IGF1R: variants seen among roughly 807,000 people sequenced by gnomAD.
IGF1R encodes insulin-like growth factor 1 receptor.
Under a neutral mutation model 144.6 loss-of-function variants are expected in IGF1R, and 44 were observed. That is an observed-to-expected ratio of 0.30 (90% CI 0.24 to 0.39). The LOEUF (loss-of-function observed/expected upper bound fraction) is 0.39. IGF1R is among the 10% of genes least tolerant of loss of function. The pLI, the probability that IGF1R is intolerant of heterozygous loss-of-function variation, is 1.00. For missense variants in IGF1R, 1,355 were observed against 1,833.7 expected (o/e 0.74, Z 4.77); for synonymous variants, 795 against 722.8 (o/e 1.10, Z -1.60).
chr15:98,885,597 G>C (rs2013600631), intron 2 of IGF1R, among the ~76,000 whole-genome samples: 1 of 152,104 alleles, frequency 6.6e-6, no homozygotes, highest in Admixed American at 6.5e-5. Flanking sequence ...GCGTTTATAT[G>C]GAACAGTGGT....
chr15:98,841,321 T>G (rs902550613), intron 2 of IGF1R, among the ~76,000 whole-genome samples: 1 of 152,246 alleles, frequency 6.6e-6, no homozygotes, highest in Non-Finnish European at 1.5e-5. Flanking sequence ...CTGTGCTTCC[T>G]TGGTCAAATT....
intron 18 of IGF1R, among the ~76,000 whole-genome samples, chr15:98,941,568 C>G (rs1269363288): frequency 6.6e-6 from 1 of 152,116 alleles, no homozygotes; most frequent in Non-Finnish European, 1.5e-5. Context: ...AGGCAAATCC[C>G]CTATTTGCAT....
chr15:98,659,816 A>G (rs2052561918), intron 1 of IGF1R, among the ~76,000 whole-genome samples: 1 of 152,162 alleles, frequency 6.6e-6, no homozygotes. Context: ...TTTACCTTCC[A>G]TTGCTCTATT....
At chr15:98,828,382 T>A (rs2056936305) in intron 2 of IGF1R, among the ~76,000 whole-genome samples, 1 of 152,092 alleles carries the variant, frequency 6.6e-6, no homozygotes, top group South Asian at 2.1e-4. Context: ...GTTGGGCCCC[T>A]GTGACTGTCC....
At chr15:98,939,660 T>A (rs988810070) in intron 18 of IGF1R, among the ~76,000 whole-genome samples, 1 of 152,244 alleles carries the variant, frequency 6.6e-6, no homozygotes, top group Non-Finnish European at 1.5e-5. Context: ...CAGAAATAAT[T>A]AAGACAATGT....
intron 19 of IGF1R, among the ~76,000 whole-genome samples, chr15:98,946,181 A>G (rs1395000663): frequency 7.6e-6 from 1 of 131,578 alleles, no homozygotes; most frequent in Non-Finnish European, 1.6e-5. Context: ...TCACAAAAAG[A>G]GCACTAGGAA....
At chr15:98,780,057 A>G (rs1186181140) in intron 2 of IGF1R, among the ~76,000 whole-genome samples, 2 of 151,776 alleles carry the variant, frequency 1.3e-5, no homozygotes, top group Admixed American at 6.6e-5. Flanking sequence ...CCACCTCTTC[A>G]GAGTTTGTGG....
chr15:98,671,157 C>T (rs1207948354), intron 1 of IGF1R, among the ~76,000 whole-genome samples: 2 of 152,204 alleles, frequency 1.3e-5, no homozygotes, highest in African/African-American at 4.8e-5. Flanking sequence ...CAGTGTCCCC[C>T]TCCAAATCTG....
Position 98,852,905 on chromosome 15 carries a change from A to G in IGF1R, c.641-38420A>G, listed in dbSNP as rs2011600837. ...TCTTCCATCTCCTGGTGAGCACAGC[A>G]TACTGTTCTCAGGCTTGTTTTCCTT... On this transcript the variant is annotated intron_variant, in intron 2 of 20. Coordinates refer to ENST00000650285, the MANE Select transcript of IGF1R (RefSeq NM_000875.5). Among the ~76,000 whole-genome samples, 4 of 152,166 alleles carry G rather than the reference A, an allele frequency of 2.6e-5. No homozygotes were observed. The South Asian group carries it at 6.2e-4, about 24-fold the overall frequency.
intron 2 of IGF1R, among the ~76,000 whole-genome samples, chr15:98,859,947 G>C (rs536048039): frequency 3.0e-4 from 46 of 152,228 alleles, no homozygotes; most frequent in Non-Finnish European, 5.9e-4. Context: ...ATGGAGTCTT[G>C]CTCTGTCACC....
At chr15:98,871,881 A>G (rs2012804973) in intron 2 of IGF1R, among the ~76,000 whole-genome samples, 1 of 152,226 alleles carries the variant, frequency 6.6e-6, no homozygotes, top group Non-Finnish European at 1.5e-5. Context: ...AAAGTTGAAT[A>G]AAGTTATTTA....
chr15:98,755,315 C>G (rs970877054), intron 2 of IGF1R, among the ~76,000 whole-genome samples: 1 of 151,738 alleles, frequency 6.6e-6, no homozygotes, highest in South Asian at 2.1e-4. Flanking sequence ...ATAGTTTAGT[C>G]GAGCCATCAT....
chr15:98,911,777 G>A (rs1339170053), intron 7 of IGF1R, among the ~76,000 whole-genome samples: 3 of 152,122 alleles, frequency 2.0e-5, no homozygotes, highest in Admixed American at 6.5e-5. Context: ...ACGATGATGG[G>A]GGACTTCACT....
intron 2 of IGF1R, among the ~76,000 whole-genome samples, chr15:98,880,022 G>A (rs1231802523): frequency 6.6e-6 from 1 of 152,176 alleles, no homozygotes; most frequent in Non-Finnish European, 1.5e-5. Context: ...TTGGGGTGAT[G>A]AAAATATTGT....
At chr15:98,814,745 A>C (rs558014580) in intron 2 of IGF1R, among the ~76,000 whole-genome samples, 5 of 152,294 alleles carry the variant, frequency 3.3e-5, no homozygotes, top group Admixed American at 2.6e-4. Flanking sequence ...ATTTCACTTA[A>C]ATTAGAAGAG....
chr15:98,814,859 G>C (rs1373353756), intron 2 of IGF1R, among the ~76,000 whole-genome samples: 1 of 152,146 alleles, frequency 6.6e-6, no homozygotes, highest in Non-Finnish European at 1.5e-5. Context: ...ACTGGAAACA[G>C]GAAGAAGACT....
chr15:98,870,805 A>G (rs1182749816), intron 2 of IGF1R, among the ~76,000 whole-genome samples: 4 of 152,218 alleles, frequency 2.6e-5, no homozygotes, highest in Admixed American at 2.6e-4. Context: ...AATCTGAGAA[A>G]AGCAGGTGGG....
chr15:98,770,660 A>G (rs2055562321), intron 2 of IGF1R, among the ~76,000 whole-genome samples: 2 of 152,196 alleles, frequency 1.3e-5, no homozygotes, highest in South Asian at 4.1e-4. Context: ...ACCTTTTGAC[A>G]GGGAAGACCA....
Position 98,934,970 on chromosome 15 carries a change from G to A in IGF1R, c.3103G>A (p.Val1035Met). 6.2e-7 allele frequency: 1 copy of A among 1,614,184 alleles called. No individual in the cohort carries two copies. ...TGAAACCAGAGTGGCCATTAAAACA[G>A]TGAACGAGGCCGCAAGCATGCGTGA... ...EPETRVAIKT[V>M]NEAASMRERI... Residue 1035 changes from valine (V) to methionine (M), a missense_variant, in exon 16 of 21, where the codon GTG (valine) becomes ATG (methionine). By Grantham distance (21) the Val-to-Met change is conservative (BLOSUM62 1). Transcript: ENST00000650285.
Sources: allele counts gnomAD v4.1 joint callset (sites outside exome capture counted in the v4.1 genomes callset), GRCh38; gene constraint gnomAD v4.1.1; transcripts MANE v1.5; gene names NCBI Gene and HGNC (gene_info 2026-07-23, HGNC 2026-07-21).